The following TMT1B variants were observed in gnomAD, a reference collection of about 807,000 sequenced individuals.
TMT1B encodes thiol S-methyltransferase TMT1B.
the TMT1B span, chr12:55,682,252 G>A: frequency 1.3e-5 from 21 of 1,606,870 alleles, no homozygotes; most frequent in African/African-American, 6.7e-5. Context: ...TACTGAGACC[G>A]GTAAGCAGGG....
the TMT1B span, chr12:55,682,208 A>G: frequency 1.9e-6 from 3 of 1,613,798 alleles, no homozygotes; most frequent in South Asian, 2.2e-5. Flanking sequence ...CTCTGTGCAG[A>G]GCCCAAGGAA....
the TMT1B span, among the ~76,000 whole-genome samples, chr12:55,682,640 G>A: frequency 2.3e-4 from 35 of 149,876 alleles, 1 homozygote; most frequent in African/African-American, 8.1e-4. Context: ...ACAAAAGCTA[G>A]CCAGGCGTGG....
At chr12:55,683,817 G>C in the TMT1B span, 1 of 1,613,968 alleles carries the variant, frequency 6.2e-7, no homozygotes, top group Non-Finnish European at 8.5e-7. Flanking sequence ...TCCCAGGGAG[G>C]TGTGCTCTTT....
the TMT1B span, chr12:55,681,860 T>C: frequency 6.9e-6 from 11 of 1,594,338 alleles, no homozygotes; most frequent in Non-Finnish European, 9.4e-6. Flanking sequence ...CAAAAGCTAC[T>C]TCCCCTACCT....
the TMT1B span, chr12:55,683,850 C>A: frequency 6.2e-7 from 1 of 1,614,054 alleles, no homozygotes; most frequent in South Asian, 1.1e-5. Flanking sequence ...GTGGCAGAAC[C>A]ATATGGAAGC....
the TMT1B span, among the ~76,000 whole-genome samples, chr12:55,682,913 C>T: frequency 2.0e-5 from 3 of 152,084 alleles, no homozygotes; most frequent in African/African-American, 7.2e-5. Context: ...AGAGTAGAAT[C>T]CATCAGACTG....
At chr12:55,684,416 C>T in the TMT1B span, 2 of 215,312 alleles carry the variant, frequency 9.3e-6, no homozygotes, top group South Asian at 7.6e-5. Context: ...ACCCATGCGT[C>T]TCTAGGAACT....
chr12:55,683,808 C>T, the TMT1B span: 98 of 1,613,790 alleles, frequency 6.1e-5, no homozygotes, highest in East Asian at 2.0e-3. Flanking sequence ...TCTCATCCCT[C>T]CCAGGGAGGT....
chr12:55,681,991 C>T, the TMT1B span: 32 of 1,614,114 alleles, frequency 2.0e-5, no homozygotes, highest in Admixed American at 6.7e-5. Flanking sequence ...AGCTGGGCTG[C>T]GGAACCGGAG....
chr12:55,683,159 T>C, the TMT1B span, among the ~76,000 whole-genome samples: 2 of 152,280 alleles, frequency 1.3e-5, no homozygotes, highest in South Asian at 2.1e-4. Context: ...AGCTTGTGCA[T>C]GCATCTGGGT....
chr12:55,683,454 C>A, the TMT1B span, among the ~76,000 whole-genome samples: 9 of 152,226 alleles, frequency 5.9e-5, no homozygotes, highest in African/African-American at 1.2e-4. Flanking sequence ...GAGATCACGC[C>A]ATTGCACTCC....
the TMT1B span, chr12:55,684,386 C>T: frequency 1.4e-5 from 4 of 295,982 alleles, no homozygotes; most frequent in South Asian, 1.0e-4. Context: ...AAGCTCCTCT[C>T]GCTTTCCTCC....
the TMT1B span, among the ~76,000 whole-genome samples, chr12:55,682,548 A>G: frequency 6.7e-6 from 1 of 148,184 alleles, no homozygotes; most frequent in Admixed American, 6.9e-5. Flanking sequence ...AAGCAGAAGG[A>G]TGACTTGAGC....
the TMT1B span, chr12:55,683,682 C>A: frequency 1.1e-6 from 1 of 875,446 alleles, no homozygotes; most frequent in South Asian, 1.6e-5. Flanking sequence ...GTCAGGGGCA[C>A]GACAGTTTGC....
chr12:55,682,294 G>A, the TMT1B span: 8 of 1,576,282 alleles, frequency 5.1e-6, no homozygotes, highest in African/African-American at 1.4e-5. Flanking sequence ...GCAGGCAAAC[G>A]CAGCATCAGC....
the TMT1B span, among the ~76,000 whole-genome samples, chr12:55,682,703 T>C: frequency 6.6e-6 from 1 of 151,922 alleles, no homozygotes; most frequent in Admixed American, 6.6e-5. Context: ...GGAGGATCAC[T>C]TGAGCCCGAG....
the TMT1B span, chr12:55,682,320 C>A: frequency 1.3e-6 from 2 of 1,508,156 alleles, no homozygotes; most frequent in Non-Finnish European, 1.8e-6. Flanking sequence ...CAGGGTTCGG[C>A]CCCCAGAATG....
the TMT1B span, chr12:55,682,160 G>A: frequency 6.2e-7 from 1 of 1,614,048 alleles, no homozygotes; most frequent in Non-Finnish European, 8.5e-7. Flanking sequence ...GCTGGCTGAT[G>A]GCTCCATGGA....
the TMT1B span, chr12:55,683,721 AT>A: frequency 1.3e-5 from 17 of 1,293,934 alleles, no homozygotes; most frequent in Non-Finnish European, 1.8e-5. Flanking sequence ...AGCAGCTCCC[AT>A]TTCACCAAGA....
Sources: gnomAD v4.1 joint callset for allele counts (sites outside exome capture counted in the v4.1 genomes callset) on GRCh38, gnomAD v4.1.1 for gene constraint, MANE v1.5 for transcripts, NCBI Gene and HGNC (gene_info 2026-07-23, HGNC 2026-07-21) for gene names.